The following SLC19A1 variants were observed in gnomAD, a reference collection of about 807,000 sequenced individuals.
SLC19A1 encodes solute carrier family 19 member 1.
A neutral mutation model predicts 35.3 loss-of-function variants in SLC19A1; 37 were observed. The observed-to-expected ratio is 1.05, with a 90% CI of 0.81 to 1.38. The LOEUF is 1.38. SLC19A1 is among the 40% of genes most tolerant of loss of function. SLC19A1 has a pLI of 0.00. For missense variants in SLC19A1, 831 were observed against 826.9 expected, an observed-to-expected ratio of 1.00 and a Z score of -0.06; for synonymous variants, 460 against 398.5, an observed-to-expected ratio of 1.15 and a Z score of -1.84.
At position 45,538,171 on chromosome 21, in the gene SLC19A1, GGGAGCCACCCACACCTGAGCTGCTCC is replaced by G. The variant is rs1331617017; in HGVS notation, c.-49-189_-49-164del. Among the ~76,000 whole-genome samples the G allele has an allele frequency of 2.6e-5, 4 of 152,264 alleles. No individual in the cohort carries two copies. The East Asian group carries it at 7.7e-4, about 29-fold the overall frequency. ...CATCCTCACCCCGTAGCACCAAACT[GGGAGCCACCCACACCTGAGCTGCTCC>G]GGAGTCCCCCAGGCCAGGCTGTCAC... On this transcript the variant is annotated intron_variant, in intron 1 of 5. Coordinates refer to ENST00000311124, the MANE Select transcript of SLC19A1 (RefSeq NM_194255.4).
At position 45,505,256 on chromosome 21, in the gene SLC19A1, A is replaced by C. The variant is rs748886407; in HGVS notation, c.498-6644T>G. 3.8e-6 allele frequency: 6 copies of C among 1,592,000 alleles called. No individual in the cohort carries two copies. The South Asian group carries it at 6.7e-5, about 18-fold the overall frequency. ...CCCCAGGCCCCCCAGGGCCCCCTTC[A>C]TTTCCTGGCCCTCACAGGCAGAGTA... On this transcript the variant is annotated intron_variant, in intron 3 of 4. Coordinates refer to the SLC19A1 transcript ENST00000417954.
In SLC19A1 at chr21:45,531,407, C is replaced by T. The variant is rs766924391; in HGVS notation, c.931G>A (p.Ala311Thr). ...SARVYNGAAD[A>T]ASTLLGAITS... ...TGCGTACCCAGCAGCGTGGAGGCAG[C>T]ATCTGCCGCGCCGTTGTAGACCCGC... The change falls in exon 3 of 6, where the codon GCT (alanine) becomes ACT (threonine). Residue 311 changes from alanine to threonine, a missense_variant. Transcript: ENST00000311124. 2.5e-6 allele frequency: 4 copies of T among 1,587,418 alleles called. No homozygotes were observed. The highest frequency in any genetic ancestry group is 2.6e-6 in the Non-Finnish European group (3 of 1,165,444).
At chr21:45,553,697 CCCCATCCCA>C (rs2078494834) in intron 1 of SLC19A1, among the ~76,000 whole-genome samples, 1 of 9,838 alleles carries the variant, frequency 1.0e-4, no homozygotes, top group Non-Finnish European at 1.6e-4. Context: ...GTCCCCCACG[CCCCATCCCA>C]GTCCCCCACA....
downstream of SLC19A1, chr21:45,511,375 G>A (rs1455212252): frequency 8.9e-6 from 6 of 674,718 alleles, no homozygotes; most frequent in Admixed American, 4.2e-5. Context: ...AAAGAGCATT[G>A]AGAAAAATGA....
rs753790521 is a variant in SLC19A1, at chr21:45,517,914, C to G, written c.1294-1774G>C. 6.6e-6 allele frequency among the ~76,000 whole-genome samples: 1 copy of G among 152,180 alleles called. No homozygotes were observed. The highest frequency in any genetic ancestry group is 1.5e-5 in the Non-Finnish European group (1 of 68,032). On this transcript the variant is annotated intron_variant, in intron 5 of 5. Coordinates refer to ENST00000311124, the MANE Select transcript of SLC19A1 (RefSeq NM_194255.4). This position sits in a 1 kb window ranked among gnomAD's most constrained non-coding sequence, Gnocchi z 4.4. ...CGAGGTGCACACCCCGCTTGACCTG[C>G]AGGAGTTGCGTCAGCCACAACAGGA...
At chr21:45,536,031 C>A in intron 2 of SLC19A1, 1 of 322,252 alleles carries the variant, frequency 3.1e-6, no homozygotes, top group South Asian at 1.1e-4. Flanking sequence ...CGTGCCTGCT[C>A]CCGCGTGAAG....
chr21:45,545,158 C>T (rs1288729044), upstream of SLC19A1, among the ~76,000 whole-genome samples: 3 of 152,206 alleles, frequency 2.0e-5, no homozygotes, highest in Admixed American at 2.0e-4. Flanking sequence ...CAGACATGCG[C>T]AGACACGCAC....
chr21:45,550,154 C>T (rs2078451504), intron 1 of SLC19A1, among the ~76,000 whole-genome samples: 2 of 152,132 alleles, frequency 1.3e-5, no homozygotes, highest in South Asian at 4.1e-4. Flanking sequence ...TCCTGCCCAC[C>T]CAGCCCAGGC....
chr21:45,509,975 C>T, downstream of SLC19A1: 2 of 1,444,758 alleles, frequency 1.4e-6, no homozygotes, highest in South Asian at 1.3e-5. Flanking sequence ...TGCCTGTCCA[C>T]ACAGGTGCGG....
chr21:45,504,741 C>A (rs1305240390), intron 3 of SLC19A1, among the ~76,000 whole-genome samples: 3 of 152,060 alleles, frequency 2.0e-5, no homozygotes, highest in Non-Finnish European at 4.4e-5. Context: ...GGTGCACTGA[C>A]CCCGGACACC....
chr21:45,540,876 CCT>C lies in SLC19A1; in HGVS notation c.-50+1490_-50+1491del, dbSNP rs201778978. Among the ~76,000 whole-genome samples, 2,788 of 152,280 alleles carry C rather than the reference CCT, an allele frequency of 0.018. 105 individuals are homozygous for C. The highest frequency in any genetic ancestry group is 0.094 in the Admixed American group (1,436 of 15,292). On this transcript the variant is annotated intron_variant, in intron 1 of 5. Coordinates refer to ENST00000311124, the MANE Select transcript of SLC19A1 (RefSeq NM_194255.4). This position sits in a 1 kb window ranked among gnomAD's most constrained non-coding sequence, Gnocchi z 5.5. ...CCACAGTGACCAGCCCCACCCAGGC[CCT>C]GTCCTTCCAAGCACCAGAGAAGGCC...
chr21:45,554,614 G>C (rs2078523711), intron 1 of SLC19A1, among the ~76,000 whole-genome samples: 1 of 144,580 alleles, frequency 6.9e-6, no homozygotes, highest in Non-Finnish European at 1.5e-5. Flanking sequence ...CGTGTCTCCA[G>C]GTCCCTGCAC....
chr21:45,510,134 G>A, downstream of SLC19A1: 13 of 1,600,378 alleles, frequency 8.1e-6, no homozygotes, highest in Non-Finnish European at 1.1e-5. Context: ...GACTTCCAGT[G>A]CTTCCAGCAG....
chr21:45,552,010 A>G (rs1021000259), intron 1 of SLC19A1, among the ~76,000 whole-genome samples: 2 of 151,942 alleles, frequency 1.3e-5, no homozygotes, highest in Non-Finnish European at 1.5e-5. Flanking sequence ...CGGCCTCCTT[A>G]TGGCTGTTTC....
chr21:45,534,684 C>T lies in SLC19A1; in HGVS notation c.190-2536G>A. The T allele has an allele frequency of 8.7e-7, 1 of 1,149,226 alleles. No individual in the cohort carries two copies. Among genetic ancestry groups the T allele is most frequent in the South Asian group, 1.3e-5 (1 of 74,572 alleles). The allele number at this position is 1,149,226 out of a possible 1,614,324, so 71.2% of individuals were successfully genotyped here. On this transcript the variant is annotated intron_variant, in intron 2 of 5. Transcript: ENST00000311124. The surrounding 1 kb of genome is among the most constrained non-coding windows in gnomAD (Gnocchi z 4.2). Reference sequence around the variant, plus strand: ...AGCCACCCAGAGCCCTCCCGCTCCTCTCCCTGCACCTCCTCAACGGCCCCT... The same window carrying T: ...AGCCACCCAGAGCCCTCCCGCTCCTTTCCCTGCACCTCCTCAACGGCCCCT...
chr21:45,558,951 GGT>G (rs2078589646), intron 1 of SLC19A1, among the ~76,000 whole-genome samples: 1 of 151,816 alleles, frequency 6.6e-6, no homozygotes, highest in Non-Finnish European at 1.5e-5. Context: ...TGGGATTACA[GGT>G]GCACACCACC....
At chr21:45,546,035 T>G (rs902407181), upstream of SLC19A1, among the ~76,000 whole-genome samples, 4 of 152,118 alleles carry the variant, frequency 2.6e-5, no homozygotes, top group African/African-American at 7.2e-5. Context: ...CGGCCAGGGG[T>G]AGCCCATCAC....
intron 5 of SLC19A1, among the ~76,000 whole-genome samples, chr21:45,521,647 A>G (rs1281613915): frequency 6.6e-6 from 1 of 152,260 alleles, no homozygotes; most frequent in Admixed American, 6.5e-5. Flanking sequence ...AGACAGTGTG[A>G]TATTGGTACA....
Position 45,504,511 on chromosome 21 carries a change from CGGCCCCCCAGGCCCCCCA to C in SLC19A1, c.498-5917_498-5900del, listed in dbSNP as rs78227997. 0.019 allele frequency: 30,035 copies of C among 1,577,570 alleles called. 333 individuals carry two copies. The highest frequency in any genetic ancestry group is 0.022 in the Non-Finnish European group (25,408 of 1,160,744). On this transcript the variant is annotated intron_variant, in intron 3 of 4. Coordinates refer to the SLC19A1 transcript ENST00000417954. ...TCGGCTCCAGCCTGCCCGGCCCCCC[CGGCCCCCCAGGCCCCCCA>C]GGCCCACGTGGCTACCCTGGGATTC... is the stretch of plus-strand genomic sequence containing the variant.
Sources: gnomAD v4.1 joint callset for allele counts (sites outside exome capture counted in the v4.1 genomes callset) on GRCh38, gnomAD v4.1.1 for gene constraint, Gnocchi (gnomAD v3.1) non-coding constraint, MANE v1.5 for transcripts, NCBI Gene and HGNC (gene_info 2026-07-23, HGNC 2026-07-21) for gene names.